SCML4: variants seen among roughly 807,000 people sequenced by gnomAD.
SCML4 encodes sex comb on midleg-like protein 4.
A neutral mutation model predicts 41.1 loss-of-function variants in SCML4; 34 were observed. The ratio of observed to expected loss-of-function variants is 0.83; its 90% CI spans 0.63 to 1.10. The LOEUF is 1.10. SCML4 is among the 50% of genes least tolerant of loss of function. SCML4 has a pLI of 0.00. For missense variants in SCML4, 522 were observed against 534.1 expected, an observed-to-expected ratio of 0.98 and a Z score of 0.22; for synonymous variants, 214 against 220.9, an observed-to-expected ratio of 0.97 and a Z score of 0.28.
rs935703912 is a variant in SCML4 at position 107,703,552 on chromosome 6, C to A, written c.*1648G>T. 6.6e-6 allele frequency among the ~76,000 whole-genome samples: 1 copy of A among 152,068 alleles called. No individual in the cohort carries two copies. Among genetic ancestry groups the A allele is most frequent in the Non-Finnish European group, 1.5e-5 (1 of 68,008 alleles). On this transcript the variant is annotated 3_prime_UTR_variant, in exon 8 of 8. Coordinates refer to ENST00000369020, the MANE Select transcript of SCML4 (RefSeq NM_198081.5). ...ATTTCTTATGGCCTTCATCTGGATT[C>A]TAACTATATAGAGGGTCACTCTGCA...
At chr6:107,812,910 CACACAT>C (rs1784268109) in intron 1 of SCML4, among the ~76,000 whole-genome samples, 1 of 151,532 alleles carries the variant, frequency 6.6e-6, no homozygotes, top group African/African-American at 2.4e-5. Context: ...CACACACACA[CACACAT>C]ACCCTATTGG....
At chr6:107,831,527 T>G in the SCML4 span, among the ~76,000 whole-genome samples, 3 of 151,422 alleles carry the variant, frequency 2.0e-5, no homozygotes, top group Non-Finnish European at 2.9e-5. Context: ...TAAACCCACA[T>G]GAGCTACAAG....
the SCML4 span, among the ~76,000 whole-genome samples, chr6:107,838,707 A>G: frequency 6.6e-6 from 1 of 152,212 alleles, no homozygotes; most frequent in Admixed American, 6.5e-5. Flanking sequence ...CTTGAAAGTA[A>G]CAAGAGTTAC....
the SCML4 span, among the ~76,000 whole-genome samples, chr6:107,832,880 A>G: frequency 6.6e-6 from 1 of 152,174 alleles, no homozygotes; most frequent in African/African-American, 2.4e-5. Flanking sequence ...GAAATTAGGA[A>G]ATGCTTGCTG....
the SCML4 span, among the ~76,000 whole-genome samples, chr6:107,830,379 T>G: frequency 2.0e-5 from 3 of 151,880 alleles, no homozygotes; most frequent in East Asian, 6.0e-4. Flanking sequence ...TCTGGCAGTT[T>G]TGGTGGAAGC....
chr6:107,781,819 T>A (rs1015854540), intron 1 of SCML4, among the ~76,000 whole-genome samples: 1 of 152,216 alleles, frequency 6.6e-6, no homozygotes, highest in African/African-American at 2.4e-5. Flanking sequence ...GTCTCATAAG[T>A]ATATGGAGAC....
intron 1 of SCML4, among the ~76,000 whole-genome samples, chr6:107,807,061 CT>C (rs201486996): frequency 0.016 from 2,150 of 133,266 alleles, 32 homozygotes; most frequent in African/African-American, 0.036. Flanking sequence ...TGTTCCTAAG[CT>C]TTTTTTTTTT....
At chr6:107,826,041 C>T (rs538544226), upstream of SCML4, among the ~76,000 whole-genome samples, 8 of 150,032 alleles carry the variant, frequency 5.3e-5, no homozygotes, top group Non-Finnish European at 1.0e-4. Context: ...GTTAGGAGTT[C>T]GAGACCAGAC....
chr6:107,761,748 C>T (rs995588218), intron 2 of SCML4, among the ~76,000 whole-genome samples: 3 of 151,818 alleles, frequency 2.0e-5, no homozygotes, highest in Admixed American at 6.6e-5. Context: ...AATATAATAT[C>T]GTCTATGTGC....
upstream of SCML4, among the ~76,000 whole-genome samples, chr6:107,827,271 T>G (rs989750353): frequency 4.6e-4 from 68 of 147,168 alleles, no homozygotes; most frequent in South Asian, 8.3e-4. Flanking sequence ...TAAATATATA[T>G]TTACATTTTT....
At chr6:107,785,042 G>C (rs1451251314) in intron 1 of SCML4, among the ~76,000 whole-genome samples, 2 of 152,140 alleles carry the variant, frequency 1.3e-5, no homozygotes, top group Non-Finnish European at 2.9e-5. Context: ...CACCATTCTG[G>C]GCCTCGGCCC....
chr6:107,709,317 C>T (rs745754193), intron 6 of SCML4, among the ~76,000 whole-genome samples: 2 of 152,172 alleles, frequency 1.3e-5, no homozygotes, highest in Non-Finnish European at 2.9e-5. Flanking sequence ...TGGAGCTGCC[C>T]CTTGCTGGTG....
At chr6:107,844,802 C>T in the SCML4 span, among the ~76,000 whole-genome samples, 3 of 152,020 alleles carry the variant, frequency 2.0e-5, no homozygotes, top group Non-Finnish European at 4.4e-5. Flanking sequence ...TGGCTCACAC[C>T]TGTAATCCCA....
intron 1 of SCML4, among the ~76,000 whole-genome samples, chr6:107,805,024 A>T (rs1783618358): frequency 6.6e-6 from 1 of 152,210 alleles, no homozygotes; most frequent in Non-Finnish European, 1.5e-5. Flanking sequence ...TTACACAGTC[A>T]GTCAACTCAG....
At chr6:107,714,781 T>G (rs960488826) in intron 6 of SCML4, among the ~76,000 whole-genome samples, 2 of 152,084 alleles carry the variant, frequency 1.3e-5, no homozygotes, top group African/African-American at 4.8e-5. Context: ...ATTAGGTAGT[T>G]GCTGTTCTTC....
chr6:107,714,552 TG>T (rs933963840), intron 6 of SCML4, among the ~76,000 whole-genome samples: 20 of 152,188 alleles, frequency 1.3e-4, no homozygotes, highest in African/African-American at 4.6e-4. Context: ...TTTGTCTCCC[TG>T]GAGTTGCAAA....
In SCML4 at chr6:107,743,510, A is replaced by C. The variant is rs540569497; in HGVS notation, c.682+1439T>G. Among the ~76,000 whole-genome samples the C allele has an allele frequency of 3.9e-5, 6 of 152,354 alleles. No individual in the cohort carries two copies. In the East Asian group the frequency reaches 1.2e-3, roughly 29 times the overall value. Reference sequence around the variant, plus strand: ...TCACTAGAAGATAAATAGTTTAAGAATATGTTTGTGAGTCAACTAGGGTTT... The same window carrying C: ...TCACTAGAAGATAAATAGTTTAAGACTATGTTTGTGAGTCAACTAGGGTTT... On this transcript the variant is annotated intron_variant, in intron 5 of 7. Transcript: ENST00000369020.
intron 1 of SCML4, among the ~76,000 whole-genome samples, chr6:107,803,856 C>T (rs1783498673): frequency 6.6e-6 from 1 of 150,852 alleles, no homozygotes; most frequent in Non-Finnish European, 1.5e-5. Context: ...AGGCAGCATG[C>T]TGGTTAAGAG....
At chr6:107,818,117 C>A (rs4452673) in intron 1 of SCML4, among the ~76,000 whole-genome samples, 150,595 of 152,344 alleles carry the variant, frequency 0.99, 74,457 homozygotes, top group Middle Eastern at 1. Context: ...TTTGCATACC[C>A]AAATTTAAAG....
Sources: allele counts gnomAD v4.1 joint callset (sites outside exome capture counted in the v4.1 genomes callset), GRCh38; gene constraint gnomAD v4.1.1; transcripts MANE v1.5; gene names NCBI Gene and HGNC (gene_info 2026-07-23, HGNC 2026-07-21).